Variants in ZNF654 observed in about 807,000 individuals in gnomAD.
ZNF654 encodes the protein zinc finger protein 654, also known as melanoma-associated antigen.
A neutral mutation model predicts 95.3 loss-of-function variants in ZNF654; 19 were observed. That is an observed-to-expected ratio of 0.20 (90% CI 0.14 to 0.29). The LOEUF is 0.29. ZNF654 is among the 10% of genes least tolerant of loss of function. The pLI, the probability that ZNF654 is intolerant of heterozygous loss-of-function variation, is 1.00. For missense variants in ZNF654, 1,046 were observed against 1,341.0 expected, an observed-to-expected ratio of 0.78 and a Z score of 3.44; for synonymous variants, 413 against 457.9, an observed-to-expected ratio of 0.90 and a Z score of 1.25.
rs79839207 is a variant in ZNF654, at chr3:88,117,822, T to C, written c.414+4626T>C. 4.7e-3 allele frequency among the ~76,000 whole-genome samples: 715 copies of C among 152,136 alleles called. 45 individuals carry two copies. The East Asian group carries it at 0.12, about 26-fold the overall frequency. On this transcript the variant is annotated intron_variant, in intron 3 of 8. Coordinates refer to ENST00000636215, the MANE Select transcript of ZNF654 (RefSeq NM_001350134.2). ...GGAAATAACTACAGGGTGGTGACAT[T>C]TGTTAAGGGAGCAGTGATTATATAA...
chr3:88,115,793 A>C (rs1052508049), intron 3 of ZNF654, among the ~76,000 whole-genome samples: 1 of 152,160 alleles, frequency 6.6e-6, no homozygotes, highest in Non-Finnish European at 1.5e-5. Flanking sequence ...CATATGATGC[A>C]TCTGCCTCAT....
At chr3:88,132,899 A>G (rs866612509) in intron 6 of ZNF654, among the ~76,000 whole-genome samples, 1 of 152,210 alleles carries the variant, frequency 6.6e-6, no homozygotes, top group Non-Finnish European at 1.5e-5. Flanking sequence ...ATCTGTGCCT[A>G]AATAGGAAAA....
chr3:88,113,350 G>GA (rs1476425842), intron 3 of ZNF654, among the ~76,000 whole-genome samples, 154 bp downstream of exon 3: 3 of 152,086 alleles, frequency 2.0e-5, no homozygotes, highest in African/African-American at 7.2e-5. Flanking sequence ...GGCTGATAAA[G>GA]AAAATTCATA....
intron 3 of ZNF654, among the ~76,000 whole-genome samples, chr3:88,119,807 A>G (rs1046153095): frequency 1.3e-5 from 2 of 152,196 alleles, no homozygotes; most frequent in Non-Finnish European, 2.9e-5. Flanking sequence ...TACTTATTTT[A>G]AAATGCTAAT....
intron 2 of ZNF654, among the ~76,000 whole-genome samples, chr3:88,101,397 C>A (rs1366675752): frequency 6.6e-6 from 1 of 152,086 alleles, no homozygotes; most frequent in African/African-American, 2.4e-5. Flanking sequence ...TGGATACTTT[C>A]ACTTAGAGCA....
At chr3:88,059,735 A>G (rs773552682) in intron 1 of ZNF654, among the ~76,000 whole-genome samples, 1 of 151,730 alleles carries the variant, frequency 6.6e-6, no homozygotes, top group Non-Finnish European at 1.5e-5. Flanking sequence ...TTTGTCGGGG[A>G]TGGAGGGGCT....
chr3:88,083,941 T>TTATATATATATATATATATATATATA lies in ZNF654; in HGVS notation c.187-2315_187-2290dup, dbSNP rs78670676. Among the ~76,000 whole-genome samples the TTATATATATATATATATATATATATA allele has an allele frequency of 1.2e-3, 180 of 147,736 alleles. 1 individual carries two copies. The highest frequency in any genetic ancestry group is 2.1e-3 in the Non-Finnish European group (141 of 66,586). On this transcript the variant is annotated intron_variant, in intron 1 of 8. Coordinates refer to ENST00000636215, the MANE Select transcript of ZNF654 (RefSeq NM_001350134.2). ...AATAGGACAATGTAATGTACTTATT[T>TTATATATATATATATATATATATATA]TATATATATATATATATATATATAT...
intron 1 of ZNF654, among the ~76,000 whole-genome samples, chr3:88,077,227 C>T (rs1366876382): frequency 6.6e-6 from 1 of 152,084 alleles, no homozygotes; most frequent in African/African-American, 2.4e-5. Flanking sequence ...TTAGCCTTCT[C>T]AACTCATCTC....
intron 2 of ZNF654, among the ~76,000 whole-genome samples, chr3:88,099,531 C>G (rs1400074244): frequency 7.0e-6 from 1 of 143,604 alleles, no homozygotes; most frequent in Non-Finnish European, 1.5e-5. Context: ...CAATCCTAAG[C>G]CAAAGAACAA....
At chr3:88,109,029 A>G (rs1329763974) in intron 2 of ZNF654, among the ~76,000 whole-genome samples, 3 of 152,056 alleles carry the variant, frequency 2.0e-5, no homozygotes, top group Admixed American at 6.6e-5. Flanking sequence ...GGGAGACATG[A>G]ACAGAAACAT....
intron 1 of ZNF654, among the ~76,000 whole-genome samples, chr3:88,073,097 G>T (rs973572629): frequency 6.6e-6 from 1 of 152,160 alleles, no homozygotes; most frequent in Non-Finnish European, 1.5e-5. Flanking sequence ...GTAGTTAATT[G>T]ATTAGAAATA....
chr3:88,061,245 T>C (rs1384915999), intron 1 of ZNF654, among the ~76,000 whole-genome samples: 5 of 152,150 alleles, frequency 3.3e-5, no homozygotes, highest in Non-Finnish European at 2.9e-5. Flanking sequence ...TTTGTTTTGC[T>C]TTTTATATCA....
At chr3:88,129,094 T>G in intron 5 of ZNF654, 83 bp downstream of exon 5, 3 of 998,868 alleles carry the variant, frequency 3.0e-6, no homozygotes, top group Non-Finnish European at 4.3e-6. Flanking sequence ...CCACTGTTGT[T>G]GTTAAATTCC....
At chr3:88,102,817 CT>C (rs10701359) in intron 2 of ZNF654, among the ~76,000 whole-genome samples, 15,541 of 106,244 alleles carry the variant, frequency 0.15, 963 homozygotes, top group Middle Eastern at 0.19. Context: ...CCTCTACTGT[CT>C]TTTTTTTTTT....
At chr3:88,080,278 C>T (rs1414175728) in intron 1 of ZNF654, among the ~76,000 whole-genome samples, 2 of 151,896 alleles carry the variant, frequency 1.3e-5, no homozygotes, top group African/African-American at 2.4e-5. Context: ...TACTTGGAAA[C>T]ATAATGAACC....
intron 2 of ZNF654, among the ~76,000 whole-genome samples, chr3:88,099,400 C>T (rs1704264520): frequency 6.6e-6 from 1 of 152,152 alleles, no homozygotes; most frequent in Admixed American, 6.6e-5. Context: ...GGCCATACTG[C>T]CCAAGGTAAT....
At chr3:88,083,392 G>T (rs1708180981) in intron 1 of ZNF654, among the ~76,000 whole-genome samples, 1 of 152,062 alleles carries the variant, frequency 6.6e-6, no homozygotes, top group South Asian at 2.1e-4. Context: ...ACATTTTATA[G>T]TATATACTAT....
chr3:88,143,845 A>G lies in ZNF654; in HGVS notation c.*2193A>G, dbSNP rs1707238998. The G allele has an allele frequency of 6.6e-6, 1 of 151,928 alleles. No individual in the cohort carries two copies. Among genetic ancestry groups the G allele is most frequent in the Non-Finnish European group, 1.5e-5 (1 of 67,808 alleles). The allele number at this position is 151,928 out of a possible 1,614,324, so 9.4% of individuals were successfully genotyped here. Reference sequence around the variant, plus strand: ...CTTAACCTCGGTTTATATACTTCTCAAATAGCTATTGAAAGAATGTGTTCA... The same window carrying G: ...CTTAACCTCGGTTTATATACTTCTCGAATAGCTATTGAAAGAATGTGTTCA... On this transcript the variant is annotated 3_prime_UTR_variant, in exon 9 of 9. Transcript: ENST00000636215.
intron 2 of ZNF654, among the ~76,000 whole-genome samples, chr3:88,091,418 C>T (rs554785791): frequency 5.7e-4 from 87 of 152,264 alleles, no homozygotes; most frequent in African/African-American, 1.0e-3. Context: ...ATAAATTATT[C>T]GTAAGGAAGA....
Sources: gnomAD v4.1 joint callset for allele counts (sites outside exome capture counted in the v4.1 genomes callset) on GRCh38, gnomAD v4.1.1 for gene constraint, MANE v1.5 for transcripts, NCBI Gene and HGNC (gene_info 2026-07-23, HGNC 2026-07-21) for gene names.